The following CFAP263 variants were observed in gnomAD, a reference collection of about 807,000 sequenced individuals.
CFAP263 encodes the protein cilia and flagella associated protein 263, also known as cilia- and flagella-associated protein 263.
chr16:58,258,437 A>G, the CFAP263 span: 1 of 1,614,014 alleles, frequency 6.2e-7, no homozygotes, highest in African/African-American at 1.3e-5. Flanking sequence ...TGAAAAAGAT[A>G]TTCTAAAAGC....
the CFAP263 span, chr16:58,278,625 G>A: frequency 6.2e-7 from 1 of 1,614,026 alleles, no homozygotes; most frequent in South Asian, 1.1e-5. Context: ...AAAGGAAAGT[G>A]GAGATAGCAG....
At chr16:58,271,270 A>G in the CFAP263 span, among the ~76,000 whole-genome samples, 19,044 of 152,096 alleles carry the variant, frequency 0.13, 1,301 homozygotes, top group East Asian at 0.2. Context: ...TTTATTTTTC[A>G]AAAATAAACT....
the CFAP263 span, among the ~76,000 whole-genome samples, chr16:58,256,943 CAG>C: frequency 5.3e-5 from 8 of 150,520 alleles, no homozygotes; most frequent in African/African-American, 7.4e-5. Flanking sequence ...ATTTACCACT[CAG>C]AGGTAATTTC....
chr16:58,250,053 C>G, the CFAP263 span: 2 of 1,600,410 alleles, frequency 1.2e-6, no homozygotes, highest in African/African-American at 1.3e-5. Context: ...TCTCCGACTC[C>G]CATGAAGGGT....
At chr16:58,257,014 C>CTTTTTTTTTTTTTTTT in the CFAP263 span, among the ~76,000 whole-genome samples, 46 of 41,920 alleles carry the variant, frequency 1.1e-3, 16 homozygotes, top group African/African-American at 2.4e-3. Context: ...ATATGAATTT[C>CTTTTTTTTTTTTTTTT]TTTTTTTTTT....
At chr16:58,252,648 G>A in the CFAP263 span, 2 of 1,290,918 alleles carry the variant, frequency 1.5e-6, no homozygotes, top group Admixed American at 1.8e-5. Context: ...GGTTTTGCAG[G>A]TCTACTAGTT....
the CFAP263 span, chr16:58,280,475 A>G: frequency 1.5e-5 from 24 of 1,614,196 alleles, no homozygotes; most frequent in East Asian, 4.7e-4. Context: ...TGTCCCTGCA[A>G]GTATGATCCA....
chr16:58,259,887 G>A, the CFAP263 span: 3 of 1,603,164 alleles, frequency 1.9e-6, no homozygotes, highest in Non-Finnish European at 2.6e-6. Context: ...TTTGAAAAAT[G>A]TTTCTCTCAA....
At chr16:58,282,445 C>G in the CFAP263 span, 3 of 152,294 alleles carry the variant, frequency 2.0e-5, no homozygotes, top group Non-Finnish European at 4.4e-5. Context: ...GGGGTATTCT[C>G]TTTCAATAAA....
At chr16:58,253,038 T>G in the CFAP263 span, among the ~76,000 whole-genome samples, 2 of 152,142 alleles carry the variant, frequency 1.3e-5, no homozygotes, top group Non-Finnish European at 2.9e-5. Context: ...AGAAACTGGG[T>G]TCAGTTAATA....
the CFAP263 span, among the ~76,000 whole-genome samples, chr16:58,258,987 AAAT>A: frequency 1.7e-4 from 18 of 106,798 alleles, no homozygotes; most frequent in Non-Finnish European, 2.1e-4. Flanking sequence ...CAGAAAAAAT[AAAT>A]AAATAAATAA....
chr16:58,265,437 A>C, the CFAP263 span, among the ~76,000 whole-genome samples: 1,474 of 152,284 alleles, frequency 9.7e-3, 17 homozygotes, highest in African/African-American at 0.034. Context: ...GGCCACATGG[A>C]AGGGATTCAA....
the CFAP263 span, among the ~76,000 whole-genome samples, chr16:58,269,989 C>T: frequency 3.9e-5 from 6 of 152,146 alleles, no homozygotes; most frequent in African/African-American, 1.2e-4. Context: ...AGTTTTTGTA[C>T]ATCTTTGTTA....
At chr16:58,271,511 A>G in the CFAP263 span, among the ~76,000 whole-genome samples, 1 of 152,152 alleles carries the variant, frequency 6.6e-6, no homozygotes. Flanking sequence ...CCCACCCAGG[A>G]TATCCACATT....
the CFAP263 span, among the ~76,000 whole-genome samples, chr16:58,272,380 C>T: frequency 6.6e-6 from 1 of 152,208 alleles, no homozygotes; most frequent in South Asian, 2.1e-4. Flanking sequence ...GATGGGGATA[C>T]ATTCTGAGAA....
the CFAP263 span, among the ~76,000 whole-genome samples, chr16:58,262,763 G>GA: frequency 1.3e-5 from 1 of 78,412 alleles, no homozygotes; most frequent in Non-Finnish European, 3.0e-5. Flanking sequence ...TAGATGATAG[G>GA]TAGATAGATA....
At chr16:58,280,773 GA>G in the CFAP263 span, 2 of 1,584,018 alleles carry the variant, frequency 1.3e-6, no homozygotes, top group Non-Finnish European at 1.7e-6. Context: ...ATAAAAGACA[GA>G]AGGCTTCAAG....
chr16:58,260,548 C>G, the CFAP263 span, among the ~76,000 whole-genome samples: 1 of 152,170 alleles, frequency 6.6e-6, no homozygotes, highest in East Asian at 1.9e-4. Flanking sequence ...TACTTGTTGG[C>G]CCTTTCTGGG....
the CFAP263 span, chr16:58,259,903 A>G: frequency 2.4e-5 from 38 of 1,606,178 alleles, no homozygotes; most frequent in Admixed American, 3.4e-5. Context: ...CTCAAAGTTC[A>G]GAGGAAAAAA....
Sources: gnomAD v4.1 joint callset for allele counts (sites outside exome capture counted in the v4.1 genomes callset) on GRCh38, gnomAD v4.1.1 for gene constraint, MANE v1.5 for transcripts, NCBI Gene and HGNC (gene_info 2026-07-23, HGNC 2026-07-21) for gene names.